COL23A1: variants seen among roughly 807,000 people sequenced by gnomAD.
COL23A1 encodes the protein collagen alpha-1(XXIII) chain.
COL23A1 carries 97 observed loss-of-function variants against 99.3 expected under a neutral mutation model. The observed-to-expected ratio is 0.98, with a 90% CI of 0.83 to 1.16. The LOEUF is 1.16. Among genes scored for constraint, COL23A1 ranks in the 50% most tolerant of loss-of-function variants. COL23A1 has a pLI of 0.00. For missense variants in COL23A1, 762 were observed against 757.4 expected, an observed-to-expected ratio of 1.01 and a Z score of -0.07; for synonymous variants, 320 against 308.2, an observed-to-expected ratio of 1.04 and a Z score of -0.40.
chr5:178,341,036 G>A (rs1760628249), intron 2 of COL23A1, among the ~76,000 whole-genome samples: 1 of 152,202 alleles, frequency 6.6e-6, no homozygotes. Context: ...AGACAATTGG[G>A]CTGACCTTTT....
At chr5:178,391,929 T>C (rs2973738) in intron 2 of COL23A1, among the ~76,000 whole-genome samples, 76,909 of 151,976 alleles carry the variant, frequency 0.51, 21,650 homozygotes, top group East Asian at 0.82. Flanking sequence ...GGGATGAACA[T>C]GCAGGAATCT....
intron 2 of COL23A1, among the ~76,000 whole-genome samples, chr5:178,496,967 C>T (rs1406041907): frequency 2.0e-5 from 3 of 152,156 alleles, no homozygotes; most frequent in African/African-American, 4.8e-5. Flanking sequence ...CTTCATTGGG[C>T]CTCTCTGAGA....
chr5:178,382,960 C>T (rs1763464734), intron 2 of COL23A1, among the ~76,000 whole-genome samples: 1 of 152,136 alleles, frequency 6.6e-6, no homozygotes, highest in African/African-American at 2.4e-5. Flanking sequence ...GGGGGGCCCA[C>T]TCCAGTGCAG....
chr5:178,374,288 C>G (rs930106590), intron 2 of COL23A1, among the ~76,000 whole-genome samples: 1 of 152,144 alleles, frequency 6.6e-6, no homozygotes. Flanking sequence ...CTGAGGTGCC[C>G]TTCCCTCCAC....
chr5:178,545,619 A>G (rs956619069), intron 2 of COL23A1, among the ~76,000 whole-genome samples: 3 of 152,118 alleles, frequency 2.0e-5, no homozygotes, highest in African/African-American at 7.2e-5. Context: ...AAAAGCCAGG[A>G]GTTGCTTTCT....
chr5:178,242,752 G>T (rs1017370062), intron 25 of COL23A1, among the ~76,000 whole-genome samples: 2 of 152,196 alleles, frequency 1.3e-5, no homozygotes, highest in Non-Finnish European at 2.9e-5. Context: ...ACTGTCTGAT[G>T]GGATGAGAAA....
intron 9 of COL23A1, among the ~76,000 whole-genome samples, 175 bp downstream of exon 9, chr5:178,263,033 T>C (rs554577917): frequency 2.0e-5 from 3 of 152,228 alleles, no homozygotes; most frequent in South Asian, 4.1e-4. Context: ...AGGATCTGAA[T>C]TGGGGCTGGA....
intron 3 of COL23A1, among the ~76,000 whole-genome samples, chr5:178,300,000 C>T (rs990747133): frequency 2.0e-5 from 3 of 152,024 alleles, no homozygotes; most frequent in Admixed American, 1.3e-4. Flanking sequence ...ATGATCCGCC[C>T]GCCTTGGCCT....
chr5:178,264,793 A>G lies in COL23A1; in HGVS notation c.523-1469T>C, dbSNP rs562891017. Among the ~76,000 whole-genome samples the G allele has an allele frequency of 2.1e-3, 325 of 151,908 alleles. 1 individual carries two copies. The highest frequency in any genetic ancestry group is 7.3e-3 in the African/African-American group (304 of 41,416). Reference sequence around the variant, plus strand: ...TGCCTCAGCCTCCCGAGTAGGTGGGATTATTATTATTATTACTATTATTTG... The same window carrying G: ...TGCCTCAGCCTCCCGAGTAGGTGGGGTTATTATTATTATTACTATTATTTG... On this transcript the variant is annotated intron_variant, in intron 8 of 28. Transcript: ENST00000390654.
intron 2 of COL23A1, among the ~76,000 whole-genome samples, chr5:178,467,816 T>G (rs1756502706): frequency 6.6e-6 from 1 of 151,980 alleles, no homozygotes; most frequent in South Asian, 2.1e-4. Context: ...AGAAAGAAAC[T>G]CTAAAAATAA....
At chr5:178,315,820 C>A (rs1045770529) in intron 2 of COL23A1, among the ~76,000 whole-genome samples, 2 of 133,996 alleles carry the variant, frequency 1.5e-5, no homozygotes, top group African/African-American at 5.5e-5. Flanking sequence ...GTCATGGTAT[C>A]CTCCAGAGAA....
chr5:178,478,784 T>C (rs1757167768), intron 2 of COL23A1, among the ~76,000 whole-genome samples: 1 of 152,184 alleles, frequency 6.6e-6, no homozygotes, highest in Admixed American at 6.5e-5. Flanking sequence ...GATGGGCCTT[T>C]TGAGGGTACC....
intron 2 of COL23A1, among the ~76,000 whole-genome samples, chr5:178,420,458 CCTCTATCCTCCTCCCCTCCCCCG>C (rs1289205594): frequency 4.6e-5 from 4 of 86,912 alleles, no homozygotes; most frequent in Non-Finnish European, 9.2e-5. Flanking sequence ...CCCCTCCCCA[CCTCTATCCTCCTCCCCTCCCCCG>C]CTCTTTCCTC....
At chr5:178,367,184 C>G (rs1762530006) in intron 2 of COL23A1, among the ~76,000 whole-genome samples, 1 of 152,190 alleles carries the variant, frequency 6.6e-6, no homozygotes, top group African/African-American at 2.4e-5. Context: ...CTAGCTTGAT[C>G]TGCTTGGAAA....
Position 178,252,531 on chromosome 5 carries a change from C to T in COL23A1, c.1014+13G>A. On this transcript the variant is annotated intron_variant, in intron 17 of 28. Transcript: ENST00000390654. ...AAATGCTTGGGGGACCACATAGCTG[C>T]ATCTGCACTGACCTTGGCTCCAGGG... The T allele has an allele frequency of 6.2e-7, 1 of 1,610,018 alleles. No individual in the cohort carries two copies.
At chr5:178,403,108 C>CAAAAAAAAAAAAAAAAAAAAAAA (rs200567150) in intron 2 of COL23A1, among the ~76,000 whole-genome samples, 23 of 46,642 alleles carry the variant, frequency 4.9e-4, no homozygotes, top group Admixed American at 1.3e-3. Flanking sequence ...GACTCCATCT[C>CAAAAAAAAAAAAAAAAAAAAAAA]AAAAAAAAAA....
chr5:178,505,235 T>A (rs771570449), intron 2 of COL23A1, among the ~76,000 whole-genome samples: 1 of 149,594 alleles, frequency 6.7e-6, no homozygotes, highest in Admixed American at 6.9e-5. Flanking sequence ...AGGGTGTGTG[T>A]GTGTCTAAAT....
At chr5:178,249,970 T>A in intron 18 of COL23A1, 91 bp downstream of exon 18, 1 of 1,459,530 alleles carries the variant, frequency 6.9e-7, no homozygotes, top group Non-Finnish European at 9.5e-7. Context: ...TCTAACTCTG[T>A]GCACACATGC....
intron 3 of COL23A1, among the ~76,000 whole-genome samples, chr5:178,304,178 G>A (rs1758219016): frequency 6.6e-6 from 1 of 152,108 alleles, no homozygotes; most frequent in Non-Finnish European, 1.5e-5. Flanking sequence ...CGGCCTCAGG[G>A]AGGAATCCCA....
Sources: gnomAD v4.1 joint callset for allele counts (sites outside exome capture counted in the v4.1 genomes callset) on GRCh38, gnomAD v4.1.1 for gene constraint, MANE v1.5 for transcripts, NCBI Gene and HGNC (gene_info 2026-07-23, HGNC 2026-07-21) for gene names.